The following LPCAT1 variants were observed in gnomAD, a reference collection of about 807,000 sequenced individuals.
LPCAT1 encodes 1-acylglycerol-3-phosphate O-acyltransferase.
In LPCAT1, 23 loss-of-function variants were observed where a neutral mutation model predicts 60.9. The ratio of observed to expected loss-of-function variants is 0.38; its 90% confidence interval spans 0.27 to 0.53. The LOEUF is 0.53. Among genes scored for constraint, LPCAT1 ranks in the 20% least tolerant of loss-of-function variants. The pLI, the probability that LPCAT1 is intolerant of heterozygous loss-of-function variation, is 0.82. For missense variants in LPCAT1, 622 were observed against 723.6 expected (o/e 0.86, Z 1.61); for synonymous variants, 340 against 301.1 (o/e 1.13, Z -1.34).
intron 8 of LPCAT1, among the ~76,000 whole-genome samples, chr5:1,478,404 G>A (rs887911322): frequency 5.3e-5 from 8 of 152,254 alleles, no homozygotes; most frequent in African/African-American, 1.2e-4. Flanking sequence ...CGTCAGTAAG[G>A]ACAGAGCAGT....
At chr5:1,518,916 G>A (rs1331229030) in intron 1 of LPCAT1, among the ~76,000 whole-genome samples, 1 of 152,278 alleles carries the variant, frequency 6.6e-6, no homozygotes, top group African/African-American at 2.4e-5. Flanking sequence ...ACGGAAAGGT[G>A]TTGTCTCACT....
Position 1,523,924 on chromosome 5 carries a change from G to C in LPCAT1, c.-80C>G, listed in dbSNP as rs1365977274. 8 of 949,802 alleles carry C rather than the reference G, an allele frequency of 8.4e-6. No individual in the cohort carries two copies. The highest frequency in any genetic ancestry group is 6.1e-5 in the Admixed American group (1 of 16,434). 58.8% of individuals were successfully genotyped at this position (949,802 alleles called of 1,614,324 possible). A position where few individuals can be genotyped will look rare whatever the true frequency, so the allele number is the denominator to read the frequency against. ...CCGGGGCTAGCTGGGCGCGGGTCTC[G>C]GGGCGCGGGCCGAGGATGCGCGGCG... On this transcript the variant is annotated 5_prime_UTR_variant, in exon 1 of 14. Transcript: ENST00000283415. The surrounding 1 kb of genome is among the most constrained non-coding windows in gnomAD (Gnocchi z 7.1).
intron 8 of LPCAT1, among the ~76,000 whole-genome samples, chr5:1,478,920 C>G (rs762261404): frequency 2.1e-4 from 32 of 152,214 alleles, no homozygotes; most frequent in Admixed American, 4.6e-4. Flanking sequence ...CTCTGGAGAC[C>G]TGGGTCAGGC....
At chr5:1,493,605 G>A (rs969868357) in intron 3 of LPCAT1, among the ~76,000 whole-genome samples, 1 of 152,264 alleles carries the variant, frequency 6.6e-6, no homozygotes, top group Non-Finnish European at 1.5e-5. Context: ...CCCAGAACGT[G>A]CTGTGCTGTG....
chr5:1,486,403 C>T (rs1054272824), intron 5 of LPCAT1, among the ~76,000 whole-genome samples: 3 of 152,146 alleles, frequency 2.0e-5, no homozygotes, highest in African/African-American at 7.2e-5. Context: ...CTCCAGGAGC[C>T]TGAGGCTGGA....
chr5:1,520,265 T>C (rs1470629901), intron 1 of LPCAT1, among the ~76,000 whole-genome samples: 3 of 152,238 alleles, frequency 2.0e-5, no homozygotes, highest in Non-Finnish European at 2.9e-5. Context: ...CCTGAGTTTT[T>C]TTAAAAAATC....
At chr5:1,519,564 G>A (rs1320852821) in intron 1 of LPCAT1, among the ~76,000 whole-genome samples, 1 of 152,226 alleles carries the variant, frequency 6.6e-6, no homozygotes, top group Non-Finnish European at 1.5e-5. Context: ...CCTAAGGTCA[G>A]GGCTCCTTGT....
intron 5 of LPCAT1, among the ~76,000 whole-genome samples, chr5:1,486,362 G>T (rs1271260916): frequency 6.6e-6 from 1 of 152,144 alleles, no homozygotes; most frequent in Non-Finnish European, 1.5e-5. Flanking sequence ...GAGAAAGAAG[G>T]CACCTGGGCC....
chr5:1,467,829 G>A (rs1734491462), intron 12 of LPCAT1, among the ~76,000 whole-genome samples: 4 of 152,076 alleles, frequency 2.6e-5, no homozygotes, highest in Admixed American at 2.6e-4. Context: ...CTTCTACCTG[G>A]TTCTTCCCCG....
rs1006385933 is a variant in LPCAT1, at chr5:1,522,637, G to T, written c.135+1073C>A. ...AATGACAAGCTCAAACTGGCCTCAAGAACTTTTCACTTCAGGGTTCTTTCA... is the reference window on the plus strand; with the variant it reads ...AATGACAAGCTCAAACTGGCCTCAATAACTTTTCACTTCAGGGTTCTTTCA... On this transcript the variant is annotated intron_variant, in intron 1 of 13. Transcript: ENST00000283415. This position sits in a 1 kb window ranked among gnomAD's most constrained non-coding sequence, Gnocchi z 6.8. Among the ~76,000 whole-genome samples, 1 of 152,226 alleles carries T rather than the reference G, an allele frequency of 6.6e-6. No individual in the cohort carries two copies. The highest frequency in any genetic ancestry group is 1.5e-5 in the Non-Finnish European group (1 of 68,030).
intron 4 of LPCAT1, among the ~76,000 whole-genome samples, chr5:1,489,277 G>A (rs1441441329): frequency 6.6e-6 from 1 of 152,228 alleles, no homozygotes; most frequent in Non-Finnish European, 1.5e-5. Context: ...TCTAATGATG[G>A]CTCAGCTGGA....
chr5:1,523,927 G>C lies in LPCAT1; in HGVS notation c.-83C>G. ...GGGCTAGCTGGGCGCGGGTCTCGGG[G>C]CGCGGGCCGAGGATGCGCGGCGGCT... On this transcript the variant is annotated 5_prime_UTR_variant, in exon 1 of 14. Coordinates refer to ENST00000283415, the MANE Select transcript of LPCAT1 (RefSeq NM_024830.5). This position sits in a 1 kb window ranked among gnomAD's most constrained non-coding sequence, Gnocchi z 7.1. 2 of 937,464 alleles carry C rather than the reference G, an allele frequency of 2.1e-6. No homozygotes were observed. Among genetic ancestry groups the C allele is most frequent in the African/African-American group, 1.8e-5 (1 of 55,800 alleles). The allele number at this position is 937,464 out of a possible 1,614,324, so 58.1% of individuals were successfully genotyped here.
intron 12 of LPCAT1, chr5:1,467,101 G>A (rs1284183657): frequency 2.4e-6 from 1 of 421,858 alleles, no homozygotes; most frequent in Non-Finnish European, 4.0e-6. Flanking sequence ...GTGCCTCGTG[G>A]ACACACAGCA....
chr5:1,462,961 G>A lies in LPCAT1; in HGVS notation c.*690C>T, dbSNP rs1202277254. The A allele has an allele frequency of 6.6e-6, 1 of 151,806 alleles. No individual in the cohort carries two copies. The highest frequency in any genetic ancestry group is 1.5e-5 in the Non-Finnish European group (1 of 68,002). The allele number at this position is 151,806 out of a possible 1,614,324, so 9.4% of individuals were successfully genotyped here. ...GAGAGGGATTACCTGCTGGAGAGAG[G>A]CCTGATGGAAATTTAAGTCAAAGCC... On this transcript the variant is annotated 3_prime_UTR_variant, in exon 14 of 14. Transcript: ENST00000283415.
intron 11 of LPCAT1, among the ~76,000 whole-genome samples, chr5:1,472,608 C>T (rs957069971): frequency 1.3e-5 from 2 of 152,160 alleles, no homozygotes; most frequent in African/African-American, 2.4e-5. Flanking sequence ...TAAGTTACCT[C>T]GGAACGCTGC....
At position 1,461,847 on chromosome 5, in the gene LPCAT1, A is replaced by G. The variant is rs1734110507; in HGVS notation, c.*1804T>C. 6.6e-6 allele frequency: 1 copy of G among 152,560 alleles called. No homozygotes were observed. The highest frequency in any genetic ancestry group is 2.1e-4 in the South Asian group (1 of 4,832). The allele number at this position is 152,560 out of a possible 1,614,324, so 9.5% of individuals were successfully genotyped here. On this transcript the variant is annotated 3_prime_UTR_variant, in exon 14 of 14. Transcript: ENST00000283415. ...ATATCTTAGTTTATTTACCTCCTTC[A>G]TTGGCCATTTGCAGGCTCTTCTCCT...
chr5:1,506,360 G>A (rs1398948657), intron 1 of LPCAT1, among the ~76,000 whole-genome samples: 2 of 152,208 alleles, frequency 1.3e-5, no homozygotes, highest in Admixed American at 6.5e-5. Context: ...CCTCACCAAG[G>A]AGAACAGGAC....
In LPCAT1 at chr5:1,461,983, A is replaced by G. The variant is rs9728; in HGVS notation, c.*1668T>C. ...CAACACGCCAAGAGCCCTGAAATTGACTTCGGTTTACTCCATCCCTGTCTG... is the reference window on the plus strand; with the variant it reads ...CAACACGCCAAGAGCCCTGAAATTGGCTTCGGTTTACTCCATCCCTGTCTG... On this transcript the variant is annotated 3_prime_UTR_variant, in exon 14 of 14. Coordinates refer to ENST00000283415, the MANE Select transcript of LPCAT1 (RefSeq NM_024830.5). 0.22 allele frequency: 33,044 copies of G among 152,394 alleles called. 4,320 individuals are homozygous for G. The highest frequency in any genetic ancestry group is 0.45 in the East Asian group (2,342 of 5,164). The allele number at this position is 152,394 out of a possible 1,614,324, so 9.4% of individuals were successfully genotyped here.
intron 12 of LPCAT1, among the ~76,000 whole-genome samples, chr5:1,469,914 C>G (rs1212125719): frequency 1.3e-5 from 2 of 152,206 alleles, no homozygotes; most frequent in Admixed American, 1.3e-4. Flanking sequence ...GCAGGGAGGT[C>G]AGGCTTTCTT....
Sources: gnomAD v4.1 joint callset for allele counts (sites outside exome capture counted in the v4.1 genomes callset) on GRCh38, gnomAD v4.1.1 for gene constraint, Gnocchi (gnomAD v3.1) non-coding constraint, MANE v1.5 for transcripts, NCBI Gene and HGNC (gene_info 2026-07-23, HGNC 2026-07-21) for gene names.